Variants in KDM6A observed in about 807,000 individuals in gnomAD.
KDM6A encodes lysine demethylase 6A.
In KDM6A, 11 loss-of-function variants were observed where a neutral mutation model predicts 117.6. That is an observed-to-expected ratio of 0.09 (90% CI 0.06 to 0.15). The LOEUF is 0.15. Among genes scored for constraint, KDM6A ranks in the 10% least tolerant of loss-of-function variants. KDM6A has a pLI of 1.00. For synonymous variants in KDM6A, 384 were observed against 396.1 expected, an observed-to-expected ratio of 0.97 and a Z score of 0.36; for missense variants, 799 against 1,077.3, an observed-to-expected ratio of 0.74 and a Z score of 3.62.
intron 27 of KDM6A, among the ~76,000 whole-genome samples, chrX:45,102,253 T>A (rs2046363075): frequency 8.9e-6 from 1 of 111,918 alleles, no homozygotes; most frequent in South Asian, 3.7e-4. Context: ...CAAAGAACTC[T>A]GGGAACCTTT....
chrX:45,031,655 T>C (rs1164900116), intron 6 of KDM6A, among the ~76,000 whole-genome samples: 2 of 111,824 alleles, frequency 1.8e-5, no homozygotes, highest in African/African-American at 6.5e-5. Context: ...AATTTGTCAA[T>C]TGCAAAAAGT....
intron 2 of KDM6A, among the ~76,000 whole-genome samples, chrX:44,947,701 A>G (rs2037734403): frequency 9.0e-6 from 1 of 111,643 alleles, no homozygotes; most frequent in Non-Finnish European, 1.9e-5. Context: ...TTTTCCACTC[A>G]TTGCCATCAT....
chrX:45,026,664 T>TA (rs35015536), intron 6 of KDM6A, among the ~76,000 whole-genome samples: 3,616 of 84,639 alleles, frequency 0.043, 204 homozygotes, highest in African/African-American at 0.14. Flanking sequence ...CCGTCTCTAC[T>TA]AAAAAAAAAA....
chrX:45,017,881 C>T (rs1212552991), intron 5 of KDM6A, among the ~76,000 whole-genome samples: 3 of 111,477 alleles, frequency 2.7e-5, no homozygotes, highest in East Asian at 2.8e-4. Flanking sequence ...CAAAAATTGT[C>T]GTTGACCAGT....
chrX:44,877,998 C>G (rs763322231), intron 2 of KDM6A, among the ~76,000 whole-genome samples: 2 of 111,143 alleles, frequency 1.8e-5, no homozygotes, highest in East Asian at 5.6e-4. Flanking sequence ...CTAGAGGTGG[C>G]TTTTTTAAAT....
Position 44,873,599 on chromosome X carries a change from C to G in KDM6A, c.48C>G (p.Ala16=), listed in dbSNP as rs772375300. 6 of 1,205,882 alleles carry G rather than the reference C, an allele frequency of 5.0e-6. No individual in the cohort carries two copies. The African/African-American group carries it at 1.0e-4, about 21-fold the overall frequency. ...TCGCTACCGCCGCCGCTGCCGCCGCCGCTTTCGGTGATGAGGAAAAGAAAA... is the reference window on the plus strand; with the variant it reads ...TCGCTACCGCCGCCGCTGCCGCCGCGGCTTTCGGTGATGAGGAAAAGAAAA... ...VSLATAAAAA[A]AFGDEEKKMA... Residue 16 remains alanine, a synonymous_variant, in exon 1 of 30, where the codon GCC becomes GCG. Transcript: ENST00000611820.
chrX:45,027,658 T>G (rs1288175218), intron 6 of KDM6A, among the ~76,000 whole-genome samples: 1 of 111,342 alleles, frequency 9.0e-6, no homozygotes, highest in African/African-American at 3.3e-5. Context: ...GCTTAGAACA[T>G]GGGACCGGGA....
chrX:45,109,596 A>C (rs2046692843), intron 28 of KDM6A, among the ~76,000 whole-genome samples: 1 of 111,188 alleles, frequency 9.0e-6, no homozygotes, highest in Non-Finnish European at 1.9e-5. Context: ...TGGCCTGACC[A>C]AAGTGAGTCA....
intron 18 of KDM6A, among the ~76,000 whole-genome samples, chrX:45,070,921 A>G (rs2148062868): frequency 9.0e-6 from 1 of 111,398 alleles, no homozygotes; most frequent in East Asian, 2.8e-4. Context: ...GGAGCCAGAC[A>G]TATTCTGCTA....
At position 45,009,319 on chromosome X, in the gene KDM6A, G is replaced by A. The variant is rs147229192; in HGVS notation, c.385-1642G>A. Among the ~76,000 whole-genome samples the A allele has an allele frequency of 8.6e-3, 962 of 112,197 alleles. 9 individuals carry two copies. The highest frequency in any genetic ancestry group is 0.029 in the African/African-American group (907 of 30,878). On this transcript the variant is annotated intron_variant, in intron 4 of 29. Transcript: ENST00000611820. ...TTTTTAGACCTTACAGAGTTCTGAC[G>A]TTGTGATAGTGCTGCTAGGAGTGTC...
At chrX:44,990,553 C>CATAA (rs373439965) in intron 4 of KDM6A, among the ~76,000 whole-genome samples, 34,321 of 93,604 alleles carry the variant, frequency 0.37, 5,088 homozygotes, top group Middle Eastern at 0.46. Flanking sequence ...TGTCTCAAAA[C>CATAA]ATAAATAAAT....
intron 2 of KDM6A, among the ~76,000 whole-genome samples, chrX:44,950,577 G>C (rs1471413461): frequency 1.0e-5 from 1 of 97,372 alleles, no homozygotes; most frequent in Non-Finnish European, 1.9e-5. Flanking sequence ...GTATACCCTG[G>C]GTGTGAGTGT....
Position 45,078,456 on chromosome X carries a change from G to A in KDM6A, c.3045G>A (p.Pro1015=), listed in dbSNP as rs760529172. ...FPPLHQFCTN[P]NNPVTVIRGL... ...CATTACATCAATTTTGTACAAATCCGAACAACCCTGTTACAGTAATACGTG... is the reference window on the plus strand; with the variant it reads ...CATTACATCAATTTTGTACAAATCCAAACAACCCTGTTACAGTAATACGTG... The change falls in exon 20 of 30, where the codon CCG becomes CCA. Residue 1015 remains proline (P), a synonymous_variant. Transcript: ENST00000611820. 9.1e-6 allele frequency: 11 copies of A among 1,207,837 alleles called. No homozygotes were observed. The highest frequency in any genetic ancestry group is 5.3e-5 in the African/African-American group (3 of 57,038).
At position 44,914,178 on chromosome X, in the gene KDM6A, A is replaced by T. The variant is rs183910706; in HGVS notation, c.225+40191A>T. 3.9e-4 allele frequency among the ~76,000 whole-genome samples: 44 copies of T among 112,017 alleles called. No individual in the cohort carries two copies. The East Asian group carries it at 0.012, about 29-fold the overall frequency. ...ATTAATTCTTTTTTTGTGACACCAA[A>T]AACTTTATTCCCAACACTAGTTATG... On this transcript the variant is annotated intron_variant, in intron 2 of 29. Coordinates refer to ENST00000611820, the MANE Select transcript of KDM6A (RefSeq NM_001291415.2).
chrX:44,968,645 G>A (rs1347368972), intron 3 of KDM6A, among the ~76,000 whole-genome samples: 1 of 112,186 alleles, frequency 8.9e-6, no homozygotes, highest in Non-Finnish European at 1.9e-5. Flanking sequence ...TATAGGTAAA[G>A]AGAGTCACGG....
At chrX:45,085,827 C>A in intron 24 of KDM6A, 38 bp from the exon 25 acceptor site, 1 of 791,835 alleles carries the variant, frequency 1.3e-6, no homozygotes, top group Non-Finnish European at 1.9e-6. Context: ...ACCAATTGCA[C>A]CACTGGAGCT....
chrX:45,065,178 CTATTTGTG>C (rs1181009382), intron 17 of KDM6A, among the ~76,000 whole-genome samples: 1 of 111,481 alleles, frequency 9.0e-6, no homozygotes, highest in Non-Finnish European at 1.9e-5. Flanking sequence ...AGCCTTGAAG[CTATTTGTG>C]ATAAGATTGT....
At chrX:45,029,591 G>A (rs917553835) in intron 6 of KDM6A, among the ~76,000 whole-genome samples, 2 of 102,517 alleles carry the variant, frequency 2.0e-5, no homozygotes, top group African/African-American at 7.8e-5. Flanking sequence ...CAGCCTGGGT[G>A]ACAGAGTGAG....
chrX:45,051,887 A>G (rs2043869171), intron 9 of KDM6A, 85 bp downstream of exon 9: 3 of 541,681 alleles, frequency 5.5e-6, no homozygotes, highest in East Asian at 3.6e-5. Context: ...TGTGGCTCAT[A>G]TATTCTATTC....
Sources: allele counts gnomAD v4.1 joint callset (sites outside exome capture counted in the v4.1 genomes callset), GRCh38; gene constraint gnomAD v4.1.1; transcripts MANE v1.5; gene names NCBI Gene and HGNC (gene_info 2026-07-23, HGNC 2026-07-21).